ATL3: variants seen among roughly 807,000 people sequenced by gnomAD.
ATL3 encodes the protein atlastin-3.
In ATL3, 49 loss-of-function variants were observed where a neutral mutation model predicts 69.5. The ratio of observed to expected loss-of-function variants is 0.71; its 90% confidence interval spans 0.56 to 0.89. The LOEUF is 0.89. Ranked by LOEUF, ATL3 falls within the 40% of genes least tolerant of loss-of-function variation. The pLI is 0.00. For missense variants in ATL3, 606 were observed against 645.7 expected, an observed-to-expected ratio of 0.94 and a Z score of 0.67; for synonymous variants, 214 against 224.1, an observed-to-expected ratio of 0.95 and a Z score of 0.40.
intron 5 of ATL3, among the ~76,000 whole-genome samples, chr11:63,647,879 T>C (rs1003754898): frequency 6.6e-6 from 1 of 152,246 alleles, no homozygotes. Flanking sequence ...TTCTCTGTTC[T>C]GCTAAGAAAT....
chr11:63,671,036 C>G (rs1272542647), intron 1 of ATL3, among the ~76,000 whole-genome samples: 2 of 152,134 alleles, frequency 1.3e-5, no homozygotes, highest in Non-Finnish European at 2.9e-5. Context: ...CCCGGCGGCA[C>G]CAGGGCCCGA....
intron 1 of ATL3, among the ~76,000 whole-genome samples, chr11:63,667,461 T>G (rs886189581): frequency 1.8e-4 from 27 of 151,862 alleles, no homozygotes; most frequent in African/African-American, 5.8e-4. Context: ...TCCCAAGAGT[T>G]TAGGATTCCT....
chr11:63,633,233 T>C, intron 10 of ATL3, 136 bp from the exon 11 acceptor site: 1 of 685,138 alleles, frequency 1.5e-6, no homozygotes, highest in Non-Finnish European at 2.5e-6. Context: ...TTCCATATAG[T>C]TCAACTGATG....
rs1423015029 is a variant in ATL3 at position 63,625,176 on chromosome 11, T to A, written c.*4143A>T. The A allele has an allele frequency of 6.6e-6, 1 of 152,090 alleles. No homozygotes were observed. Among genetic ancestry groups the A allele is most frequent in the Non-Finnish European group, 1.5e-5 (1 of 68,044 alleles). 9.4% of individuals were successfully genotyped at this position (152,090 alleles called of 1,614,324 possible). A position where few individuals can be genotyped will look rare whatever the true frequency, so the allele number is the denominator to read the frequency against. ...TTACAATGGGCTTCTTAATGTCATT[T>A]TTAAAAATTAATCACACAAATAGTT... On this transcript the variant is annotated 3_prime_UTR_variant, in exon 13 of 13. Transcript: ENST00000398868.
At chr11:63,655,450 C>CT (rs779379886) in intron 3 of ATL3, among the ~76,000 whole-genome samples, 1,600 of 135,000 alleles carry the variant, frequency 0.012, 14 homozygotes, top group African/African-American at 0.03. Context: ...CGCATCTGGC[C>CT]TTTTTTTTTT....
intron 8 of ATL3, among the ~76,000 whole-genome samples, chr11:63,640,836 A>G (rs994781831): frequency 6.6e-6 from 1 of 152,074 alleles, no homozygotes; most frequent in Non-Finnish European, 1.5e-5. Context: ...TCCTGACCTC[A>G]GGTGATTCGT....
At chr11:63,642,272 AAAGTATCAGAG>A (rs1261805535) in intron 8 of ATL3, among the ~76,000 whole-genome samples, 1 of 152,210 alleles carries the variant, frequency 6.6e-6, no homozygotes, top group East Asian at 1.9e-4. Context: ...CAATCACGTA[AAAGTATCAGAG>A]AAGTGACAAA....
At position 63,643,502 on chromosome 11, in the gene ATL3, A is replaced by G; in HGVS notation, c.712-7T>C. The G allele has an allele frequency of 6.2e-7, 1 of 1,603,246 alleles. No individual in the cohort carries two copies. On this transcript the variant is annotated splice_region_variant and splice_polypyrimidine_tract_variant and intron_variant, in intron 7 of 12. Transcript: ENST00000398868. ...CATGTTGATGTTCCTTCACCTGCCA[A>G]TGAAGACCAAGAATTTACCAACCAA... is the stretch of plus-strand genomic sequence containing the variant.
rs1422476879 is a variant in ATL3 at position 63,635,539 on chromosome 11, G to A, written c.1030C>T (p.Leu344Phe). The A allele has an allele frequency of 3.1e-6, 5 of 1,611,944 alleles. No individual in the cohort carries two copies. Among genetic ancestry groups the A allele is most frequent in the Non-Finnish European group, 4.2e-6 (5 of 1,178,330 alleles). The change falls in exon 10 of 13, where the codon CTT becomes TTT. Residue 344 changes from leucine to phenylalanine, a missense_variant. Transcript: ENST00000398868. Reference protein sequence around the residue: ...GEDLPHPKSMLQATAEANNLA... With the variant: ...GEDLPHPKSMFQATAEANNLA... ...GATGTCAAATCATTGTTTACCTGAA[G>A]CATGGACTTGGGGTGAGGCAGATCT...
At chr11:63,648,787 C>A (rs1390522102) in intron 5 of ATL3, among the ~76,000 whole-genome samples, 2 of 151,350 alleles carry the variant, frequency 1.3e-5, no homozygotes, top group African/African-American at 4.9e-5. Flanking sequence ...CCAGCCTAGG[C>A]AGCAGAGTGA....
rs769601942 is a variant in ATL3 at position 63,631,453 on chromosome 11, G to T, written c.1126C>A (p.Pro376Thr). The T allele has an allele frequency of 2.5e-6, 4 of 1,606,762 alleles. No individual in the cohort carries two copies. The highest frequency in any genetic ancestry group is 1.1e-5 in the South Asian group (1 of 90,042). ...TCTAGAATGTCTGGAGACAAATAAG[G>T]TTTCTCTCCCCCACAAACCTAAAAA... ...NMEEVCGGEK[P>T]YLSPDILEEK... The change falls in exon 12 of 13, where the codon CCT becomes ACT. Residue 376 changes from proline to threonine, a missense_variant. By Grantham distance (38) the Pro-to-Thr change is conservative. Transcript: ENST00000398868.
chr11:63,644,331 A>C (rs1302001299), intron 6 of ATL3, 70 bp from the exon 7 acceptor site: 3 of 883,690 alleles, frequency 3.4e-6, no homozygotes, highest in Non-Finnish European at 5.6e-6. Context: ...ACTGCAATAC[A>C]TCTTTGCATA....
At chr11:63,641,802 T>TAA (rs1939709382) in intron 8 of ATL3, among the ~76,000 whole-genome samples, 1 of 152,156 alleles carries the variant, frequency 6.6e-6, no homozygotes, top group African/African-American at 2.4e-5. Context: ...TACTGAACTT[T>TAA]AAAAAACTCT....
chr11:63,660,668 G>C (rs1013069995), intron 1 of ATL3, among the ~76,000 whole-genome samples: 3 of 152,198 alleles, frequency 2.0e-5, no homozygotes, highest in African/African-American at 7.2e-5. Flanking sequence ...TACTTGGAGA[G>C]CTGAGGCAGG....
chr11:63,659,367 C>T (rs893306678), intron 1 of ATL3, 115 bp from the exon 2 acceptor site: 1 of 801,764 alleles, frequency 1.2e-6, no homozygotes, highest in Admixed American at 2.6e-5. Flanking sequence ...TGGCTCATGC[C>T]TATAATCACA....
chr11:63,651,307 T>G (rs1394278234), intron 5 of ATL3, among the ~76,000 whole-genome samples: 1 of 151,228 alleles, frequency 6.6e-6, no homozygotes, highest in Non-Finnish European at 1.5e-5. Context: ...ATACAAAAAG[T>G]AGCCGGGCAT....
At position 63,631,276 on chromosome 11, in the gene ATL3, T is replaced by C; in HGVS notation, c.1303A>G (p.Lys435Glu). The part of the protein sequence containing the change: ...YENFCKHNGS[K>E]NVFSTFRTPA... ...GTTCGGAAGGTGCTGAAGACGTTCTTGCTACCATTGTGCTTGCAGAAGTTC... is the reference window on the plus strand; with the variant it reads ...GTTCGGAAGGTGCTGAAGACGTTCTCGCTACCATTGTGCTTGCAGAAGTTC... The change falls in exon 12 of 13, where the codon AAG (lysine) becomes GAG (glutamate). Residue 435 changes from lysine (K) to glutamate (E), a missense_variant. Coordinates refer to ENST00000398868, the MANE Select transcript of ATL3 (RefSeq NM_015459.5). 1 of 1,614,232 alleles carries C rather than the reference T, an allele frequency of 6.2e-7. No individual in the cohort carries two copies. Among genetic ancestry groups the C allele is most frequent in the Non-Finnish European group, 8.5e-7 (1 of 1,180,042 alleles).
At chr11:63,641,993 C>G (rs748275766) in intron 8 of ATL3, among the ~76,000 whole-genome samples, 1 of 152,144 alleles carries the variant, frequency 6.6e-6, no homozygotes, top group Non-Finnish European at 1.5e-5. Context: ...CATTCCCTAT[C>G]AGTGATGAAC....
Position 63,627,120 on chromosome 11 carries a change from C to T in ATL3, c.*2199G>A, listed in dbSNP as rs1939138978. 1 of 151,320 alleles carries T rather than the reference C, an allele frequency of 6.6e-6. No homozygotes were observed. The highest frequency in any genetic ancestry group is 2.4e-5 in the African/African-American group (1 of 41,266). The allele number at this position is 151,320 out of a possible 1,614,324, so 9.4% of individuals were successfully genotyped here. A position where few individuals can be genotyped will look rare whatever the true frequency, so the allele number is the denominator to read the frequency against. ...TTTAGTATGAGTTTTCGACACATCA[C>T]CCCTTCTTACCATTAAATTTTTTAA... On this transcript the variant is annotated 3_prime_UTR_variant, in exon 13 of 13. Coordinates refer to ENST00000398868, the MANE Select transcript of ATL3 (RefSeq NM_015459.5).
Sources: gnomAD v4.1 joint callset for allele counts (sites outside exome capture counted in the v4.1 genomes callset) on GRCh38, gnomAD v4.1.1 for gene constraint, MANE v1.5 for transcripts, NCBI Gene and HGNC (gene_info 2026-07-23, HGNC 2026-07-21) for gene names.